The following DENR variants were observed in gnomAD, a reference collection of about 807,000 sequenced individuals.
DENR encodes density regulated re-initiation and release factor.
A neutral mutation model predicts 30.6 loss-of-function variants in DENR; 6 were observed. That is an observed-to-expected ratio of 0.20 (90% confidence interval 0.11 to 0.39). DENR has a LOEUF of 0.39. Ranked by LOEUF, DENR falls within the 10% of genes least tolerant of loss-of-function variation. The pLI, the probability that DENR is intolerant of heterozygous loss-of-function variation, is 1.00. For missense variants in DENR, 141 were observed against 230.9 expected (o/e 0.61, Z 2.52); for synonymous variants, 78 against 72.1 (o/e 1.08, Z -0.41).
rs1878996841 is a variant in DENR, at chr12:122,770,143, G to A, written c.*1065G>A. 1 of 152,830 alleles carries A rather than the reference G, an allele frequency of 6.5e-6. No homozygotes were observed. Among genetic ancestry groups the A allele is most frequent in the African/African-American group, 2.4e-5 (1 of 41,444 alleles). The allele number at this position is 152,830 out of a possible 1,614,324, so 9.5% of individuals were successfully genotyped here. On this transcript the variant is annotated 3_prime_UTR_variant, in exon 8 of 8. Coordinates refer to ENST00000280557, the MANE Select transcript of DENR (RefSeq NM_003677.5). ...AGCCTTAAAACCATGTATGTGCGCT[G>A]TTTGAACCCGTAAGCCACTTCTTTG...
chr12:122,768,990 A>G (rs1383378307), intron 7 of DENR, 44 bp from the exon 8 acceptor site: 3 of 1,607,994 alleles, frequency 1.9e-6, no homozygotes, highest in South Asian at 1.1e-5. Flanking sequence ...TTTTTTCTTA[A>G]TTGCAACCAC....
Position 122,753,709 on chromosome 12 carries a change from C to T in DENR, c.8C>T (p.Ala3Val), listed in dbSNP as rs1447663085. Residue 3 changes from alanine to valine, a missense_variant, in exon 2 of 8, where the codon GCT becomes GTT. Around this residue, in one of 2 missense-constraint regions of DENR, gnomAD observed 104 missense variants for 138.3 expected, o/e 0.75. Coordinates refer to ENST00000280557, the MANE Select transcript of DENR (RefSeq NM_003677.5). Reference protein sequence around the residue: MAADISESSGADC... With the variant: MAVDISESSGADC... ...TGCTTACAGGTTTGTGAAATGGCTG[C>T]TGACATTTCTGAATCCAGCGGGGCT... 7.4e-6 allele frequency: 12 copies of T among 1,613,882 alleles called. No individual in the cohort carries two copies. Among genetic ancestry groups the T allele is most frequent in the Non-Finnish European group, 1.0e-5 (12 of 1,179,824 alleles).
At chr12:122,753,963 CAG>C (rs60769772) in intron 2 of DENR, 156 bp downstream of exon 2, 438 of 664,220 alleles carry the variant, frequency 6.6e-4, no homozygotes, top group African/African-American at 6.3e-3. Flanking sequence ...CATGAATTAA[CAG>C]AGTTTCCCCA....
chr12:122,753,678 T>A lies in DENR; in HGVS notation c.-9-15T>A. 1 of 1,601,448 alleles carries A rather than the reference T, an allele frequency of 6.2e-7. No individual in the cohort carries two copies. Among genetic ancestry groups the A allele is most frequent in the Non-Finnish European group, 8.6e-7 (1 of 1,168,924 alleles). ...TTCTAAAATAGTGAGGGTGTGTTAT[T>A]TTCCTTGCTTACAGGTTTGTGAAAT... On this transcript the variant is annotated splice_polypyrimidine_tract_variant and intron_variant, in intron 1 of 7. Transcript: ENST00000280557.
At chr12:122,754,148 A>G in intron 2 of DENR, 1 of 305,224 alleles carries the variant, frequency 3.3e-6, no homozygotes. Context: ...ACTGGATGAG[A>G]AGGTGGGGAA....
intron 2 of DENR, among the ~76,000 whole-genome samples, chr12:122,761,313 G>T (rs1320071870): frequency 6.6e-6 from 1 of 152,174 alleles, no homozygotes; most frequent in African/African-American, 2.4e-5. Context: ...TTGGGAGGCT[G>T]AGGCAGGAGA....
intron 4 of DENR, among the ~76,000 whole-genome samples, chr12:122,764,280 A>G (rs766840615): frequency 1.3e-5 from 2 of 152,172 alleles, no homozygotes; most frequent in Non-Finnish European, 1.5e-5. Context: ...TTGTTTCAGC[A>G]GCATCACTTA....
intron 3 of DENR, 32 bp downstream of exon 3, chr12:122,762,238 G>A: frequency 7.5e-7 from 1 of 1,327,560 alleles, no homozygotes; most frequent in Non-Finnish European, 1.0e-6. Flanking sequence ...TTTACCTTAT[G>A]TATTTGAAGT....
intron 1 of DENR, among the ~76,000 whole-genome samples, 160 bp from the exon 2 acceptor site, chr12:122,753,533 G>T (rs2135506697): frequency 6.6e-6 from 1 of 152,112 alleles, no homozygotes; most frequent in East Asian, 1.9e-4. Context: ...GTTGTGCCTG[G>T]GATTGCTCAT....
intron 5 of DENR, among the ~76,000 whole-genome samples, chr12:122,767,005 C>T (rs1878869275): frequency 6.6e-6 from 1 of 152,196 alleles, no homozygotes; most frequent in Admixed American, 6.6e-5. Context: ...TTTCTTATCT[C>T]TGTACTTGTT....
intron 4 of DENR, 185 bp downstream of exon 4, chr12:122,763,114 T>G (rs1418950792): frequency 5.9e-6 from 3 of 509,854 alleles, no homozygotes; most frequent in Admixed American, 3.9e-5. Context: ...CATAAAAAAG[T>G]AAATGGGCCG....
rs886558609 is a variant in DENR, at chr12:122,769,151, A to AAT, written c.*87_*88dup. On this transcript the variant is annotated 3_prime_UTR_variant, in exon 8 of 8. Transcript: ENST00000280557. ...GGCCAAAGGGAGAGAGGCCTTTTAA[A>AAT]ATATATATATATATACACATATATA... 3,746 of 1,369,300 alleles carry AAT rather than the reference A, an allele frequency of 2.7e-3. 11 individuals carry two copies. The highest frequency in any genetic ancestry group is 0.016 in the African/African-American group (1,051 of 65,898). 84.8% of individuals were successfully genotyped at this position (1,369,300 alleles called of 1,614,324 possible). A position where few individuals can be genotyped will look rare whatever the true frequency, so the allele number is the denominator to read the frequency against.
At chr12:122,754,160 G>A (rs557601485) in intron 2 of DENR, 25 of 292,846 alleles carry the variant, frequency 8.5e-5, no homozygotes, top group African/African-American at 3.6e-4. Context: ...GGTGGGGAAC[G>A]GCGTCCCAGA....
At chr12:122,756,596 G>A (rs1878556701) in intron 2 of DENR, among the ~76,000 whole-genome samples, 4 of 152,240 alleles carry the variant, frequency 2.6e-5, no homozygotes, top group African/African-American at 2.4e-5. Flanking sequence ...TTGCATTCAG[G>A]CAGGCACAGA....
chr12:122,770,415 AT>A lies in DENR; in HGVS notation c.*1340del. The A allele has an allele frequency of 5.1e-6, 2 of 390,946 alleles. No individual in the cohort carries two copies. The highest frequency in any genetic ancestry group is 9.0e-6 in the Non-Finnish European group (2 of 221,882). 24.2% of individuals were successfully genotyped at this position (390,946 alleles called of 1,614,324 possible). Reference sequence around the variant, plus strand: ...GGAGTACCCCAGATACATTTTAGACATTTATCGTCATCATCTGCTCTGAGTG... The same window carrying A: ...GGAGTACCCCAGATACATTTTAGACATTATCGTCATCATCTGCTCTGAGTG... On this transcript the variant is annotated 3_prime_UTR_variant, in exon 8 of 8. Transcript: ENST00000280557.
intron 4 of DENR, 41 bp from the exon 5 acceptor site, chr12:122,765,263 G>A: frequency 6.8e-7 from 1 of 1,476,728 alleles, no homozygotes; most frequent in Non-Finnish European, 9.2e-7. Flanking sequence ...TTAACAGTGT[G>A]AGATGATGTT....
At chr12:122,764,181 G>A (rs1878782134) in intron 4 of DENR, among the ~76,000 whole-genome samples, 1 of 152,180 alleles carries the variant, frequency 6.6e-6, no homozygotes, top group African/African-American at 2.4e-5. Flanking sequence ...ACCACAACGG[G>A]TAGGGCATTG....
At chr12:122,758,078 T>A (rs558331290) in intron 2 of DENR, among the ~76,000 whole-genome samples, 1 of 152,240 alleles carries the variant, frequency 6.6e-6, no homozygotes, top group Non-Finnish European at 1.5e-5. Flanking sequence ...CAGTTTTTGT[T>A]TGTTTGTTTT....
rs914408333 is a variant in DENR at position 122,770,412 on chromosome 12, G to T, written c.*1334G>T. The T allele has an allele frequency of 3.3e-5, 13 of 389,516 alleles. No homozygotes were observed. Among genetic ancestry groups the T allele is most frequent in the Admixed American group, 1.8e-4 (4 of 22,462 alleles). The allele number at this position is 389,516 out of a possible 1,614,324, so 24.1% of individuals were successfully genotyped here. A position where few individuals can be genotyped will look rare whatever the true frequency, so the allele number is the denominator to read the frequency against. On this transcript the variant is annotated 3_prime_UTR_variant, in exon 8 of 8. Transcript: ENST00000280557. ...AGTGGAGTACCCCAGATACATTTTAGACATTTATCGTCATCATCTGCTCTG... is the reference window on the plus strand; with the variant it reads ...AGTGGAGTACCCCAGATACATTTTATACATTTATCGTCATCATCTGCTCTG...
Sources: allele counts gnomAD v4.1 joint callset (sites outside exome capture counted in the v4.1 genomes callset), GRCh38; gene constraint gnomAD v4.1.1; regional missense constraint gnomAD v4.1.1; transcripts MANE v1.5; gene names NCBI Gene and HGNC (gene_info 2026-07-23, HGNC 2026-07-21).